NPAS2: variants seen among roughly 807,000 people sequenced by gnomAD.
NPAS2 encodes neuronal PAS domain protein 2, also known as neuronal PAS domain-containing protein 2.
NPAS2 carries 23 observed loss-of-function variants against 107.5 expected under a neutral mutation model. The ratio of observed to expected loss-of-function variants is 0.21; its 90% CI spans 0.15 to 0.30. The LOEUF is 0.30. Among genes scored for constraint, NPAS2 ranks in the 10% least tolerant of loss-of-function variants. The probability of loss-of-function intolerance (pLI) is 1.00; values close to 1 mark genes in which losing one functional copy is unlikely to be tolerated. For missense variants in NPAS2, 756 were observed against 1,043.3 expected (o/e 0.72, Z 3.79); for synonymous variants, 403 against 417.5 (o/e 0.97, Z 0.42).
intron 1 of NPAS2, among the ~76,000 whole-genome samples, chr2:100,832,963 G>A (rs1676837371): frequency 6.6e-6 from 1 of 152,090 alleles, no homozygotes; most frequent in Admixed American, 6.6e-5. Context: ...GGTATCATTC[G>A]GATGTGCTTC....
chr2:100,937,697 C>G (rs375386071), intron 4 of NPAS2, 56 bp from the exon 5 acceptor site: 3 of 1,204,380 alleles, frequency 2.5e-6, no homozygotes, highest in Non-Finnish European at 3.7e-6. Flanking sequence ...GCATCAGTGA[C>G]ATGCTCCTCC....
chr2:100,826,770 G>A (rs2104335382), intron 1 of NPAS2, among the ~76,000 whole-genome samples: 1 of 152,110 alleles, frequency 6.6e-6, no homozygotes, highest in African/African-American at 2.4e-5. Context: ...CCAAATTGGG[G>A]GCTAAAAAAA....
chr2:100,899,508 C>G (rs1315356158), intron 1 of NPAS2, among the ~76,000 whole-genome samples: 1 of 152,146 alleles, frequency 6.6e-6, no homozygotes, highest in Non-Finnish European at 1.5e-5. Context: ...CAGGTGTGAG[C>G]CACTGGCACC....
chr2:100,863,182 A>G (rs756212728), intron 1 of NPAS2, among the ~76,000 whole-genome samples: 3 of 152,232 alleles, frequency 2.0e-5, no homozygotes, highest in Non-Finnish European at 2.9e-5. Flanking sequence ...GTCTACCGCT[A>G]GTAGCACTTA....
intron 20 of NPAS2, 74 bp from the exon 21 acceptor site, chr2:100,995,326 C>G: frequency 7.4e-7 from 1 of 1,358,746 alleles, no homozygotes; most frequent in South Asian, 1.4e-5. Flanking sequence ...CAGCATGCCC[C>G]GCACTGCCTT....
chr2:100,856,240 A>C (rs914548825), intron 1 of NPAS2, among the ~76,000 whole-genome samples: 2 of 152,220 alleles, frequency 1.3e-5, no homozygotes, highest in Non-Finnish European at 2.9e-5. Context: ...ATTAGGATTT[A>C]AGTGTCACGT....
At chr2:100,990,977 T>C in intron 19 of NPAS2, 105 bp downstream of exon 19, 3 of 916,320 alleles carry the variant, frequency 3.3e-6, no homozygotes. Context: ...AGCCTTGCGC[T>C]AAAGGCAAGG....
At chr2:100,937,003 C>T (rs1326045335) in intron 4 of NPAS2, among the ~76,000 whole-genome samples, 2 of 145,108 alleles carry the variant, frequency 1.4e-5, no homozygotes, top group Admixed American at 6.9e-5. Flanking sequence ...AAAAAAAAAC[C>T]ATGAGCAAAA....
At position 100,948,284 on chromosome 2, in the gene NPAS2, A is replaced by G. The variant is rs1472809977; in HGVS notation, c.413A>G (p.His138Arg). 1 of 1,613,504 alleles carries G rather than the reference A, an allele frequency of 6.2e-7. No individual in the cohort carries two copies. The highest frequency in any genetic ancestry group is 8.5e-7 in the Non-Finnish European group (1 of 1,179,804). The change falls in exon 6 of 21, where the codon CAT (histidine) becomes CGT (arginine). Residue 138 changes from histidine (H) to arginine (R), a missense_variant. Physicochemically the swap from His to Arg is conservative, Grantham distance 29. Around this residue, in one of 4 missense-constraint regions of NPAS2, gnomAD observed 146 missense variants for 249.6 expected, o/e 0.58. Coordinates refer to ENST00000335681, the MANE Select transcript of NPAS2 (RefSeq NM_002518.4). ...NLLNFLPEQE[H>R]SEVYKILSSH... ...TTAAATTTCCTCCCAGAACAAGAAC[A>G]TTCAGAAGTTTATAAAATCCTTTCT...
intron 4 of NPAS2, among the ~76,000 whole-genome samples, chr2:100,935,535 C>T (rs1684248335): frequency 6.6e-6 from 1 of 152,156 alleles, no homozygotes. Flanking sequence ...TGACTCAGTG[C>T]AGTTCTCATA....
chr2:100,874,348 C>T (rs1236708218), intron 1 of NPAS2, among the ~76,000 whole-genome samples: 1 of 152,146 alleles, frequency 6.6e-6, no homozygotes, highest in African/African-American at 2.4e-5. Flanking sequence ...TTTGATTTTG[C>T]CATATGCGGA....
chr2:100,951,915 C>T (rs1047118451), intron 7 of NPAS2, among the ~76,000 whole-genome samples: 4 of 152,068 alleles, frequency 2.6e-5, no homozygotes, highest in South Asian at 2.1e-4. Context: ...TTTGGGAGGC[C>T]GAGGCGGGCG....
At chr2:100,985,270 T>C (rs1489741356) in intron 16 of NPAS2, 1 of 152,872 alleles carries the variant, frequency 6.5e-6, no homozygotes, top group East Asian at 1.9e-4. Context: ...AGCCGCCATC[T>C]GTCCATCCTT....
chr2:100,989,015 C>T (rs1677957836), intron 17 of NPAS2: 1 of 251,082 alleles, frequency 4.0e-6, no homozygotes, highest in Admixed American at 5.6e-5. Flanking sequence ...CTCCAGGCCC[C>T]CCAGACTCTT....
At chr2:100,879,511 C>G (rs760773430) in intron 1 of NPAS2, among the ~76,000 whole-genome samples, 3 of 152,226 alleles carry the variant, frequency 2.0e-5, no homozygotes, top group Non-Finnish European at 4.4e-5. Flanking sequence ...TCCTTCCATC[C>G]GTCCCAAACC....
At chr2:100,898,034 AAT>A (rs1430746774) in intron 1 of NPAS2, among the ~76,000 whole-genome samples, 1 of 152,190 alleles carries the variant, frequency 6.6e-6, no homozygotes, top group African/African-American at 2.4e-5. Context: ...GTTTTCCTAA[AAT>A]TGATCCCCAA....
chr2:100,972,737 C>T (rs1436720578), intron 12 of NPAS2: 2 of 152,240 alleles, frequency 1.3e-5, no homozygotes, highest in Admixed American at 6.5e-5. Flanking sequence ...TGCTAATAGG[C>T]AGATGTTAGA....
At position 100,878,268 on chromosome 2, in the gene NPAS2, G is replaced by A. The variant is rs1020823045; in HGVS notation, c.-22-26465G>A. On this transcript the variant is annotated intron_variant, in intron 1 of 20. Transcript: ENST00000335681. The stretch of plus-strand genomic sequence containing the variant: ...TATAGAGGACTGTCCGAGGAGCTCG[G>A]GAGGGAGCCAGGAGTGAGGCAAGCA... 1.2e-5 allele frequency: 12 copies of A among 985,312 alleles called. No individual in the cohort carries two copies. In the African/African-American group the frequency reaches 1.9e-4, roughly 16 times the overall value. 61.0% of individuals were successfully genotyped at this position (985,312 alleles called of 1,614,324 possible).
intron 2 of NPAS2, among the ~76,000 whole-genome samples, chr2:100,913,320 G>A (rs1682668664): frequency 6.6e-6 from 1 of 152,086 alleles, no homozygotes; most frequent in Admixed American, 6.5e-5. Context: ...CAACTTGATT[G>A]GAAAGCATTT....
Sources: allele counts gnomAD v4.1 joint callset (sites outside exome capture counted in the v4.1 genomes callset), GRCh38; gene constraint gnomAD v4.1.1; regional missense constraint gnomAD v4.1.1; transcripts MANE v1.5; gene names NCBI Gene and HGNC (gene_info 2026-07-23, HGNC 2026-07-21).